Variants in IL36B observed in about 807,000 individuals in gnomAD.
IL36B encodes the protein interleukin 36 beta.
Under a neutral mutation model 19.3 loss-of-function variants are expected in IL36B, and 23 were observed. The ratio of observed to expected loss-of-function variants is 1.19; its 90% CI spans 0.86 to 1.69. IL36B has a LOEUF of 1.69. Ranked by LOEUF, IL36B falls within the 40% of genes most tolerant of loss-of-function variation. IL36B has a pLI of 0.00. For synonymous variants in IL36B, 59 were observed against 59.7 expected (o/e 0.99, Z 0.05); for missense variants, 217 against 200.5 (o/e 1.08, Z -0.50).
At chr2:113,027,225 G>A (rs34862832) in intron 4 of IL36B, among the ~76,000 whole-genome samples, 21,696 of 152,146 alleles carry the variant, frequency 0.14, 1,665 homozygotes, top group African/African-American at 0.19. Flanking sequence ...GAAGAAAGAG[G>A]AGGGATTGTT....
rs147594221 is a variant in IL36B, at chr2:113,025,670, G to C, written c.391+433C>G. 2.2e-4 allele frequency among the ~76,000 whole-genome samples: 34 copies of C among 152,284 alleles called. No individual in the cohort carries two copies. The East Asian group carries it at 6.0e-3, about 27-fold the overall frequency. ...TGTTGCCTTCGGTTGGGAAGATGAG[G>C]AGAGTCCCGTAAAACAGCTGGAAGG... On this transcript the variant is annotated intron_variant, in intron 5 of 5. Coordinates refer to ENST00000259213, the MANE Select transcript of IL36B (RefSeq NM_014438.5).
At chr2:113,034,812 A>T (rs564750348) in intron 1 of IL36B, among the ~76,000 whole-genome samples, 1 of 152,220 alleles carries the variant, frequency 6.6e-6, no homozygotes, top group Non-Finnish European at 1.5e-5. Context: ...AGAATCACTC[A>T]AACAGTCAGT....
chr2:113,042,923 C>T (rs1370249450), intron 1 of IL36B, among the ~76,000 whole-genome samples: 1 of 151,804 alleles, frequency 6.6e-6, no homozygotes, highest in Non-Finnish European at 1.5e-5. Flanking sequence ...CTCTAATATT[C>T]TCACCAAGAC....
At chr2:113,039,941 C>T (rs990649971) in intron 1 of IL36B, among the ~76,000 whole-genome samples, 5 of 152,176 alleles carry the variant, frequency 3.3e-5, no homozygotes, top group East Asian at 1.9e-4. Context: ...AGTAGTCACT[C>T]GGGGAAAATC....
chr2:113,039,580 G>A (rs552644362), intron 1 of IL36B, among the ~76,000 whole-genome samples: 10 of 151,770 alleles, frequency 6.6e-5, no homozygotes, highest in African/African-American at 2.4e-4. Flanking sequence ...GATGAACAAA[G>A]GAAAAACAAA....
chr2:113,033,266 T>C (rs1685111365), intron 1 of IL36B, among the ~76,000 whole-genome samples: 2 of 152,234 alleles, frequency 1.3e-5, no homozygotes. Context: ...TCGCTCTCGC[T>C]CTGTCGCCAA....
intron 4 of IL36B, chr2:113,027,789 A>G: frequency 6.7e-7 from 1 of 1,489,616 alleles, no homozygotes; most frequent in South Asian, 1.4e-5. Flanking sequence ...AGAATGAGGT[A>G]AGCTATGGAT....
chr2:113,050,203 C>A (rs1290680805), intron 1 of IL36B, among the ~76,000 whole-genome samples: 1 of 152,140 alleles, frequency 6.6e-6, no homozygotes, highest in African/African-American at 2.4e-5. Context: ...GTGATGGCAA[C>A]CCAAGTGTCC....
intron 1 of IL36B, among the ~76,000 whole-genome samples, chr2:113,037,548 C>T (rs1284298722): frequency 6.6e-6 from 1 of 151,940 alleles, no homozygotes; most frequent in African/African-American, 2.4e-5. Flanking sequence ...ACTCGGGAGG[C>T]TGAAGCAGGA....
intron 1 of IL36B, among the ~76,000 whole-genome samples, chr2:113,044,258 ATATGTGTGTG>A (rs1452533671): frequency 6.8e-4 from 89 of 131,408 alleles, no homozygotes; most frequent in African/African-American, 2.3e-3. Context: ...ATCTATATCT[ATATGTGTGTG>A]TGTGTGTGTG....
At chr2:113,051,263 G>A (rs1031470207) in intron 1 of IL36B, among the ~76,000 whole-genome samples, 4 of 152,210 alleles carry the variant, frequency 2.6e-5, no homozygotes, top group African/African-American at 4.8e-5. Context: ...TACACAGTCC[G>A]GCGGAGGCGA....
At chr2:113,037,532 C>T (rs1182377407) in intron 1 of IL36B, among the ~76,000 whole-genome samples, 1 of 152,008 alleles carries the variant, frequency 6.6e-6, no homozygotes, top group Non-Finnish European at 1.5e-5. Flanking sequence ...GCTTGTAGTC[C>T]CAGCTACTCG....
At chr2:113,048,271 T>G (rs1685381144) in intron 1 of IL36B, among the ~76,000 whole-genome samples, 1 of 152,072 alleles carries the variant, frequency 6.6e-6, no homozygotes, top group Admixed American at 6.6e-5. Context: ...GTAATTGTAT[T>G]AAATTGTAAA....
chr2:113,047,415 AT>A (rs35151387), intron 1 of IL36B, among the ~76,000 whole-genome samples: 2,921 of 152,236 alleles, frequency 0.019, 109 homozygotes, highest in African/African-American at 0.066. Context: ...AAGATTTCAG[AT>A]TTTGAATTTT....
intron 4 of IL36B, chr2:113,027,868 A>G (rs373068593): frequency 4.5e-5 from 72 of 1,611,044 alleles, no homozygotes; most frequent in Middle Eastern, 3.3e-4. Flanking sequence ...TTGATTCTCT[A>G]TCCTGGAACC....
intron 5 of IL36B, among the ~76,000 whole-genome samples, chr2:113,025,212 G>T (rs570714198): frequency 5.6e-4 from 85 of 152,284 alleles, no homozygotes; most frequent in African/African-American, 2.0e-3. Context: ...GAGCCATATT[G>T]GCATAAGGGG....
chr2:113,029,457 G>C (rs1363420396), intron 3 of IL36B, among the ~76,000 whole-genome samples: 1 of 152,216 alleles, frequency 6.6e-6, no homozygotes, highest in Admixed American at 6.5e-5. Context: ...GTCCAGGCAA[G>C]AGATGATGTT....
intron 1 of IL36B, among the ~76,000 whole-genome samples, chr2:113,046,367 G>A (rs1194806208): frequency 2.0e-5 from 3 of 151,840 alleles, no homozygotes; most frequent in Non-Finnish European, 2.9e-5. Context: ...CCGCCACCAC[G>A]CTCAGCTAAT....
At chr2:113,036,354 CTT>C (rs367626558) in intron 1 of IL36B, among the ~76,000 whole-genome samples, 70 of 134,788 alleles carry the variant, frequency 5.2e-4, no homozygotes, top group Non-Finnish European at 6.4e-4. Flanking sequence ...AAACACCTTG[CTT>C]TTTTTTTTTT....
Sources: gnomAD v4.1 joint callset for allele counts (sites outside exome capture counted in the v4.1 genomes callset) on GRCh38, gnomAD v4.1.1 for gene constraint, MANE v1.5 for transcripts, NCBI Gene and HGNC (gene_info 2026-07-23, HGNC 2026-07-21) for gene names.